ADAM23: variants seen among roughly 807,000 people sequenced by gnomAD.
ADAM23 encodes disintegrin and metalloproteinase domain-containing protein 23.
ADAM23 carries 33 observed loss-of-function variants against 120.1 expected under a neutral mutation model. The ratio of observed to expected loss-of-function variants is 0.27; its 90% confidence interval spans 0.21 to 0.37. The LOEUF is 0.37. ADAM23 is among the 10% of genes least tolerant of loss of function. ADAM23 has a pLI of 1.00. For missense variants in ADAM23, 862 were observed against 1,058.2 expected, an observed-to-expected ratio of 0.81 and a Z score of 2.57; for synonymous variants, 367 against 375.2, an observed-to-expected ratio of 0.98 and a Z score of 0.25.
intron 24 of ADAM23, among the ~76,000 whole-genome samples, chr2:206,604,332 C>G (rs1305277408): frequency 6.6e-6 from 1 of 152,078 alleles, no homozygotes; most frequent in African/African-American, 2.4e-5. Context: ...ATTCTGAAAG[C>G]AAGGGTTTTC....
At chr2:206,553,510 A>G (rs1160782448) in intron 9 of ADAM23, among the ~76,000 whole-genome samples, 1 of 152,220 alleles carries the variant, frequency 6.6e-6, no homozygotes, top group Non-Finnish European at 1.5e-5. Context: ...TCTACTATTT[A>G]AAGAAATAGT....
rs540587860 is a variant in ADAM23, at chr2:206,562,069, G to A, written c.1255-134G>A. On this transcript the variant is annotated intron_variant, in intron 12 of 25. Transcript: ENST00000264377. ...AGTTGTAAAGAGGAGGTGAGAAGTAGCATATGCCATCTTAAGATACTGACA... is the reference window on the plus strand; with the variant it reads ...AGTTGTAAAGAGGAGGTGAGAAGTAACATATGCCATCTTAAGATACTGACA... 7.5e-5 allele frequency: 50 copies of A among 665,612 alleles called. No individual in the cohort carries two copies. In the South Asian group the frequency reaches 1.0e-3, roughly 14 times the overall value. The allele number at this position is 665,612 out of a possible 1,614,324, so 41.2% of individuals were successfully genotyped here. A position where few individuals can be genotyped will look rare whatever the true frequency, so the allele number is the denominator to read the frequency against.
At chr2:206,488,624 T>C (rs763580602) in intron 3 of ADAM23, among the ~76,000 whole-genome samples, 2 of 152,120 alleles carry the variant, frequency 1.3e-5, no homozygotes, top group Non-Finnish European at 2.9e-5. Context: ...GCCAGGCTGT[T>C]GTTGGCTGAA....
chr2:206,478,111 G>A (rs558360339), intron 2 of ADAM23, among the ~76,000 whole-genome samples: 16 of 151,524 alleles, frequency 1.1e-4, no homozygotes, highest in Non-Finnish European at 1.9e-4. Flanking sequence ...AAAATGATAG[G>A]GAAAAGTAGC....
At chr2:206,481,407 A>C in intron 3 of ADAM23, 99 bp downstream of exon 3, 1 of 812,182 alleles carries the variant, frequency 1.2e-6, no homozygotes. Context: ...TTTAACAACT[A>C]TTTTCTAGCA....
In ADAM23 at chr2:206,530,961, G is replaced by T; in HGVS notation, c.573+13G>T. ...ACAGTACTCTAAGGTACGGTTACCG[G>T]CGTCGGCAAGTACTCTAGTATAAGT... On this transcript the variant is annotated intron_variant, in intron 4 of 25. Transcript: ENST00000264377. The T allele has an allele frequency of 1.2e-6, 2 of 1,611,328 alleles. No homozygotes were observed. Among genetic ancestry groups the T allele is most frequent in the Non-Finnish European group, 1.7e-6 (2 of 1,177,914 alleles).
At chr2:206,574,787 C>T (rs781092657) in intron 18 of ADAM23, among the ~76,000 whole-genome samples, 2 of 152,110 alleles carry the variant, frequency 1.3e-5, no homozygotes, top group Non-Finnish European at 2.9e-5. Flanking sequence ...AAGCTTATTG[C>T]CACATAATTA....
chr2:206,449,391 GATTC>G lies in ADAM23; in HGVS notation c.432+3880_432+3883del, dbSNP rs1214393310. Among the ~76,000 whole-genome samples, 18 of 152,312 alleles carry G rather than the reference GATTC, an allele frequency of 1.2e-4. No individual in the cohort carries two copies. In the East Asian group the frequency reaches 3.5e-3, roughly 29 times the overall value. On this transcript the variant is annotated intron_variant, in intron 2 of 25. Transcript: ENST00000264377. ...TTTTAAAAGCAGGAGAAACACTTTA[GATTC>G]ATTCATTCATTCTGAGATAATCCTA...
rs1002830299 is a variant in ADAM23 at position 206,577,972 on chromosome 2, A to G, written c.1737+4777A>G. On this transcript the variant is annotated intron_variant, in intron 18 of 25. Coordinates refer to ENST00000264377, the MANE Select transcript of ADAM23 (RefSeq NM_003812.4). Reference sequence around the variant, plus strand: ...TTGCCATTCTAACTGGTGTGAGATGATATCTCATTGTGGTTTTGATTTGCA... The same window carrying G: ...TTGCCATTCTAACTGGTGTGAGATGGTATCTCATTGTGGTTTTGATTTGCA... Among the ~76,000 whole-genome samples the G allele has an allele frequency of 1.3e-4, 19 of 151,508 alleles. No individual in the cohort carries two copies. In the East Asian group the frequency reaches 3.1e-3, roughly 25 times the overall value.
intron 18 of ADAM23, among the ~76,000 whole-genome samples, chr2:206,586,848 CACTT>C (rs1233273119): frequency 6.6e-6 from 1 of 152,182 alleles, no homozygotes; most frequent in Admixed American, 6.5e-5. Context: ...GGAGATATAG[CACTT>C]ACTTTGTGTT....
At chr2:206,456,155 A>G (rs1055241926) in intron 2 of ADAM23, among the ~76,000 whole-genome samples, 1 of 152,176 alleles carries the variant, frequency 6.6e-6, no homozygotes, top group African/African-American at 2.4e-5. Context: ...TAAGCTATAC[A>G]GGAAGTATGA....
chr2:206,573,315 C>T (rs2105832863), intron 18 of ADAM23, 120 bp downstream of exon 18: 2 of 943,014 alleles, frequency 2.1e-6, no homozygotes, highest in South Asian at 1.4e-5. Context: ...GGAATATTTG[C>T]ATATTCATAA....
At chr2:206,576,260 A>G (rs1698109813) in intron 18 of ADAM23, among the ~76,000 whole-genome samples, 2 of 81,528 alleles carry the variant, frequency 2.5e-5, no homozygotes, top group East Asian at 2.8e-4. Context: ...TATGTTTACC[A>G]TATATGGTTT....
At chr2:206,492,894 G>A (rs929896441) in intron 3 of ADAM23, among the ~76,000 whole-genome samples, 8 of 152,132 alleles carry the variant, frequency 5.3e-5, no homozygotes, top group African/African-American at 1.9e-4. Context: ...TGTTTGAAAA[G>A]CTCTACAAAT....
rs1695016896 is a variant in ADAM23, at chr2:206,443,940, C to T, written c.74C>T (p.Pro25Leu). The part of the protein sequence containing the change: ...GCSLAGASCG[P>L]QRGPAGSVPA... The stretch of plus-strand genomic sequence containing the variant: ...AGCCTTGCCGGCGCTTCCTGCGGCC[C>T]CCAACGCGGCCCCGCCGGCTCGGTG... The change falls in exon 1 of 26, where the codon CCC becomes CTC. Residue 25 changes from proline (P) to leucine (L), a missense_variant. Coordinates refer to ENST00000264377, the MANE Select transcript of ADAM23 (RefSeq NM_003812.4). 3.2e-6 allele frequency: 4 copies of T among 1,251,364 alleles called. No individual in the cohort carries two copies. Among genetic ancestry groups the T allele is most frequent in the South Asian group, 6.4e-5 (2 of 31,480 alleles). The allele number at this position is 1,251,364 out of a possible 1,614,324, so 77.5% of individuals were successfully genotyped here. A position where few individuals can be genotyped will look rare whatever the true frequency, so the allele number is the denominator to read the frequency against.
At position 206,565,026 on chromosome 2, in the gene ADAM23, A is replaced by T. The variant is rs1469901006; in HGVS notation, c.1352A>T (p.Asp451Val). The T allele has an allele frequency of 3.1e-6, 5 of 1,613,888 alleles. No individual in the cohort carries two copies. The highest frequency in any genetic ancestry group is 3.4e-6 in the Non-Finnish European group (4 of 1,179,972). Residue 451 changes from aspartate to valine, a missense_variant, in exon 14 of 26, where the codon GAC becomes GTC. This residue lies in a region of ADAM23 where 617 missense variants were observed against 813.5 expected (regional missense o/e 0.76). Transcript: ENST00000264377. The part of the protein sequence containing the change: ...WEPSSRKPKC[D>V]CTESWGGCIM... ...TATTGTTTTATTGGACCAGAATGTGACTGCACAGAATCCTGGGGTGGCTGC... is the reference window on the plus strand; with the variant it reads ...TATTGTTTTATTGGACCAGAATGTGTCTGCACAGAATCCTGGGGTGGCTGC...
chr2:206,528,428 C>A (rs1696984248), intron 3 of ADAM23, among the ~76,000 whole-genome samples: 1 of 152,114 alleles, frequency 6.6e-6, no homozygotes, highest in African/African-American at 2.4e-5. Context: ...TAGAATTATC[C>A]TTCAGTACAC....
intron 3 of ADAM23, among the ~76,000 whole-genome samples, chr2:206,529,477 C>A (rs1037273953): frequency 6.6e-6 from 1 of 152,168 alleles, no homozygotes; most frequent in Non-Finnish European, 1.5e-5. Flanking sequence ...TAGCTCACTG[C>A]AGCCTCGATC....
At chr2:206,530,608 T>G (rs1341464543) in intron 3 of ADAM23, among the ~76,000 whole-genome samples, 1 of 118,864 alleles carries the variant, frequency 8.4e-6, no homozygotes, top group African/African-American at 3.2e-5. Flanking sequence ...AGGGCGAGAC[T>G]CAGTCTCAAA....
Sources: gnomAD v4.1 joint callset for allele counts (sites outside exome capture counted in the v4.1 genomes callset) on GRCh38, gnomAD v4.1.1 for gene constraint, gnomAD v4.1.1 regional missense constraint, MANE v1.5 for transcripts, NCBI Gene and HGNC (gene_info 2026-07-23, HGNC 2026-07-21) for gene names.